The following RNF123 variants were observed in gnomAD, a reference collection of about 807,000 sequenced individuals.
The protein encoded by RNF123 is ring finger protein 123.
Under a neutral mutation model 168.5 loss-of-function variants are expected in RNF123, and 86 were observed. The ratio of observed to expected loss-of-function variants is 0.51; its 90% CI spans 0.43 to 0.61. The LOEUF (loss-of-function observed/expected upper bound fraction) is 0.61. RNF123 is among the 20% of genes least tolerant of loss of function. The pLI is 0.00. For missense variants in RNF123, 1,419 were observed against 1,729.7 expected, an observed-to-expected ratio of 0.82 and a Z score of 3.19; for synonymous variants, 666 against 689.1, an observed-to-expected ratio of 0.97 and a Z score of 0.52.
rs1308835834 is a variant in RNF123 at position 49,705,662 on chromosome 3, C to T, written c.2287C>T (p.His763Tyr). Reference sequence around the variant, plus strand: ...GGTCATGATGTACAACCTCAGCGTACACCAGCAGCTGGGCAAGGTCGTGCA... The same window carrying T: ...GGTCATGATGTACAACCTCAGCGTATACCAGCAGCTGGGCAAGGTCGTGCA... ...GAVMMYNLSVHQQLGKMVGVS... is the reference protein window; with the variant it reads ...GAVMMYNLSVYQQLGKMVGVS... Residue 763 changes from histidine (H) to tyrosine (Y), a missense_variant, in exon 24 of 39, where the codon CAC (histidine) becomes TAC (tyrosine). By Grantham distance (83) the His-to-Tyr change is moderately conservative. Around this residue, in one of 5 missense-constraint regions of RNF123, gnomAD observed 538 missense variants for 708.8 expected, o/e 0.76. Coordinates refer to ENST00000327697, the MANE Select transcript of RNF123 (RefSeq NM_022064.5). The T allele has an allele frequency of 1.2e-6, 2 of 1,614,158 alleles. No individual in the cohort carries two copies. The highest frequency in any genetic ancestry group is 1.7e-6 in the Non-Finnish European group (2 of 1,180,036).
Position 49,716,093 on chromosome 3 carries a change from C to T in RNF123, c.3340-9C>T. 6.2e-7 allele frequency: 1 copy of T among 1,613,770 alleles called. No homozygotes were observed. The highest frequency in any genetic ancestry group is 8.5e-7 in the Non-Finnish European group (1 of 1,179,970). Reference sequence around the variant, plus strand: ...CCCATCCACCAATGGACTCCTGCTCCCCTCACAGCTGCTAAACCAGGTGCT... The same window carrying T: ...CCCATCCACCAATGGACTCCTGCTCTCCTCACAGCTGCTAAACCAGGTGCT... On this transcript the variant is annotated splice_polypyrimidine_tract_variant and intron_variant, in intron 33 of 38. Transcript: ENST00000327697.
intron 27 of RNF123, chr3:49,712,884 T>C (rs1199668887): frequency 1.4e-6 from 1 of 704,996 alleles, no homozygotes; most frequent in African/African-American, 1.7e-5. Context: ...ACAGACAAGA[T>C]GGAACACGGT....
chr3:49,702,603 C>G, intron 19 of RNF123, 30 bp from the exon 20 acceptor site: 1 of 1,614,214 alleles, frequency 6.2e-7, no homozygotes, highest in African/African-American at 1.3e-5. Context: ...GGACTGGCAC[C>G]AATGCATGTT....
intron 2 of RNF123, 64 bp downstream of exon 2, chr3:49,691,311 C>T (rs1167251480): frequency 2.5e-6 from 4 of 1,591,558 alleles, no homozygotes; most frequent in Non-Finnish European, 3.4e-6. Context: ...GGACAAAGGC[C>T]TCAGGCCTTG....
At chr3:49,694,353 C>T (rs1022934849) in intron 3 of RNF123, among the ~76,000 whole-genome samples, 1 of 152,210 alleles carries the variant, frequency 6.6e-6, no homozygotes, top group Non-Finnish European at 1.5e-5. Flanking sequence ...AAGTTTGCAT[C>T]CTATTTTTAT....
rs536813558 is a variant in RNF123, at chr3:49,700,007, C to A, written c.985-220C>A. ...AAGAAGACTGAAGGATAATAACATC[C>A]CAGGCCAAGGAAACTGCGTGTGCCA... On this transcript the variant is annotated intron_variant, in intron 12 of 38. Coordinates refer to ENST00000327697, the MANE Select transcript of RNF123 (RefSeq NM_022064.5). 30 of 702,056 alleles carry A rather than the reference C, an allele frequency of 4.3e-5. No homozygotes were observed. In the African/African-American group the frequency reaches 5.2e-4, roughly 12 times the overall value. 43.5% of individuals were successfully genotyped at this position (702,056 alleles called of 1,614,324 possible). A position where few individuals can be genotyped will look rare whatever the true frequency, so the allele number is the denominator to read the frequency against.
At chr3:49,702,047 G>A (rs1467294898) in intron 17 of RNF123, 36 bp from the exon 18 acceptor site, 1 of 1,608,128 alleles carries the variant, frequency 6.2e-7, no homozygotes, top group African/African-American at 1.3e-5. Flanking sequence ...CCCATCTCCT[G>A]GAGCCTGAGG....
At chr3:49,718,401 A>G in intron 35 of RNF123, 1 of 1,613,144 alleles carries the variant, frequency 6.2e-7, no homozygotes. Context: ...GGCGGGGCCC[A>G]GTGGCCAGGC....
chr3:49,699,688 G>A lies in RNF123; in HGVS notation c.900G>A (p.Lys300=), dbSNP rs150267931. Residue 300 remains lysine, a synonymous_variant, in exon 12 of 39, where the codon AAG becomes AAA. Coordinates refer to ENST00000327697, the MANE Select transcript of RNF123 (RefSeq NM_022064.5). The surrounding 1 kb of genome is among the most constrained non-coding windows in gnomAD (Gnocchi z 4.8). ...LDPVEGRLLD[K]ESSKWRLRGQ... ...CACAGGAGGGGCGGCTGTTGGACAAGGAGAGCTCCAAGTGGCGGTTGCGGG... is the reference window on the plus strand; with the variant it reads ...CACAGGAGGGGCGGCTGTTGGACAAAGAGAGCTCCAAGTGGCGGTTGCGGG... 32 of 1,613,800 alleles carry A rather than the reference G, an allele frequency of 2.0e-5. No individual in the cohort carries two copies. Among genetic ancestry groups the A allele is most frequent in the Non-Finnish European group, 2.6e-5 (31 of 1,180,016 alleles).
intron 3 of RNF123, 193 bp from the exon 4 acceptor site, chr3:49,696,950 C>G: frequency 1.6e-6 from 1 of 608,040 alleles, no homozygotes; most frequent in Non-Finnish European, 3.1e-6. Flanking sequence ...CCGGCCTGGA[C>G]TGGTTATACT....
intron 19 of RNF123, 34 bp downstream of exon 19, chr3:49,702,439 C>T: frequency 6.2e-7 from 1 of 1,610,054 alleles, no homozygotes; most frequent in Middle Eastern, 1.7e-4. Flanking sequence ...ACTGTGGATC[C>T]CCGGCTGCAC....
chr3:49,692,187 G>C (rs780567198), intron 3 of RNF123, among the ~76,000 whole-genome samples: 20 of 152,252 alleles, frequency 1.3e-4, no homozygotes, highest in Non-Finnish European at 2.5e-4. Flanking sequence ...TGAGGCTGCA[G>C]TGAGTTGGCC....
Position 49,697,581 on chromosome 3 carries a change from G to A in RNF123, c.342+124G>A, listed in dbSNP as rs2054293951. ...GGCTGCAGCCAAAACTTGTCCTGAC[G>A]TGGCCCCAGACCATTGTGTTCTCAG... On this transcript the variant is annotated intron_variant, in intron 5 of 38. Transcript: ENST00000327697. 5 of 762,074 alleles carry A rather than the reference G, an allele frequency of 6.6e-6. No individual in the cohort carries two copies. In the Admixed American group the frequency reaches 8.6e-5, roughly 13 times the overall value. 47.2% of individuals were successfully genotyped at this position (762,074 alleles called of 1,614,324 possible).
intron 35 of RNF123, 114 bp downstream of exon 35, chr3:49,716,591 C>A (rs2080249422): frequency 1.1e-6 from 1 of 938,748 alleles, no homozygotes. Flanking sequence ...ACCTCAGCAT[C>A]AGGTTTTGAG....
rs2054477457 is a variant in RNF123, at chr3:49,704,712, G to A, written c.1915G>A (p.Asp639Asn). Residue 639 changes from aspartate (D) to asparagine (N), a missense_variant, in exon 22 of 39, where the codon GAT becomes AAT. This residue lies in a region of RNF123 where 538 missense variants were observed against 708.8 expected (regional missense o/e 0.76). Transcript: ENST00000327697. ...DPLELQSTAM[D>N]DLDEDEEPAP... ...ACTGGAGCTCCAGTCAACCGCCATG[G>A]ATGACCTAGATGAGGATGAGGAGCC... 1 of 1,598,160 alleles carries A rather than the reference G, an allele frequency of 6.3e-7. No homozygotes were observed. The highest frequency in any genetic ancestry group is 8.5e-7 in the Non-Finnish European group (1 of 1,172,546).
At chr3:49,704,524 C>T (rs891117171) in intron 21 of RNF123, 126 bp from the exon 22 acceptor site, 24 of 716,022 alleles carry the variant, frequency 3.4e-5, no homozygotes, top group Non-Finnish European at 3.9e-5. Context: ...GGGGCAGATA[C>T]GGTGCTAAAC....
At chr3:49,720,351 T>G in intron 35 of RNF123, 160 bp from the exon 36 acceptor site, 1 of 609,752 alleles carries the variant, frequency 1.6e-6, no homozygotes, top group Non-Finnish European at 2.6e-6. Context: ...TGTGGCACCT[T>G]ACTAGAATAC....
At chr3:49,716,205 A>G (rs944205100) in intron 34 of RNF123, 28 bp downstream of exon 34, 3 of 1,610,318 alleles carry the variant, frequency 1.9e-6, no homozygotes, top group Middle Eastern at 1.7e-4. Flanking sequence ...CTGCACCCCA[A>G]CACACTACAG....
chr3:49,692,046 C>T (rs2054176066), intron 3 of RNF123, among the ~76,000 whole-genome samples: 1 of 152,228 alleles, frequency 6.6e-6, no homozygotes. Flanking sequence ...GAGTTCAAGA[C>T]CAGCCTGAGC....
Sources: gnomAD v4.1 joint callset for allele counts (sites outside exome capture counted in the v4.1 genomes callset) on GRCh38, gnomAD v4.1.1 for gene constraint, gnomAD v4.1.1 regional missense constraint, Gnocchi (gnomAD v3.1) non-coding constraint, MANE v1.5 for transcripts, NCBI Gene and HGNC (gene_info 2026-07-23, HGNC 2026-07-21) for gene names.